The following GAS2 variants were observed in gnomAD, a reference collection of about 807,000 sequenced individuals.
GAS2 encodes growth arrest-specific protein 2.
A neutral mutation model predicts 37.5 loss-of-function variants in GAS2; 20 were observed. That is an observed-to-expected ratio of 0.53 (90% CI 0.37 to 0.77). The LOEUF is 0.77. Among genes scored for constraint, GAS2 ranks in the 30% least tolerant of loss-of-function variants. GAS2 has a pLI of 0.00. For missense variants in GAS2, 336 were observed against 373.4 expected (o/e 0.90, Z 0.82); for synonymous variants, 144 against 132.2 (o/e 1.09, Z -0.61).
intron 4 of GAS2, among the ~76,000 whole-genome samples, chr11:22,736,667 A>G (rs1165534558): frequency 6.6e-6 from 1 of 152,110 alleles, no homozygotes; most frequent in African/African-American, 2.4e-5. Flanking sequence ...GAATAGAATA[A>G]TACTGGAAAG....
intron 3 of GAS2, among the ~76,000 whole-genome samples, chr11:22,699,944 A>G (rs537390202): frequency 2.0e-5 from 3 of 152,296 alleles, no homozygotes; most frequent in African/African-American, 7.2e-5. Flanking sequence ...TGAAAGAACC[A>G]TAGTGTCCCT....
intron 3 of GAS2, among the ~76,000 whole-genome samples, chr11:22,686,545 G>T (rs1165733316): frequency 9.6e-6 from 1 of 103,676 alleles, no homozygotes; most frequent in Non-Finnish European, 1.8e-5. Context: ...GCCAAAACCC[G>T]TCTCTACTAA....
Position 22,676,323 on chromosome 11 carries a change from T to C in GAS2, c.145+1309T>C, listed in dbSNP as rs559049409. Among the ~76,000 whole-genome samples the C allele has an allele frequency of 1.0e-3, 159 of 152,310 alleles. 4 individuals are homozygous for C. In the South Asian group the frequency reaches 0.033, roughly 31 times the overall value. ...CTAAACAGATGGATTTTTCTCTCTC[T>C]TCTGTCTTTTTGGGGTTCACTAATG... is the stretch of plus-strand genomic sequence containing the variant. On this transcript the variant is annotated intron_variant, in intron 2 of 7. Coordinates refer to ENST00000454584, the MANE Select transcript of GAS2 (RefSeq NM_001143830.3).
rs887202684 is a variant in GAS2, at chr11:22,666,628, C to G, written c.-292C>G. ...AAAAAGTAAGCATTTTACTTCCGCTCGGTCTATGAGGACTGATGAAATGTA... is the reference window on the plus strand; with the variant it reads ...AAAAAGTAAGCATTTTACTTCCGCTGGGTCTATGAGGACTGATGAAATGTA... On this transcript the variant is annotated 5_prime_UTR_variant, in exon 1 of 8. Transcript: ENST00000454584. 1 of 152,230 alleles carries G rather than the reference C, an allele frequency of 6.6e-6. No individual in the cohort carries two copies. Among genetic ancestry groups the G allele is most frequent in the Non-Finnish European group, 1.5e-5 (1 of 68,060 alleles). The allele number at this position is 152,230 out of a possible 1,614,324, so 9.4% of individuals were successfully genotyped here.
intron 1 of GAS2, among the ~76,000 whole-genome samples, chr11:22,639,454 C>T (rs1858882692): frequency 6.6e-6 from 1 of 152,138 alleles, no homozygotes; most frequent in African/African-American, 2.4e-5. Context: ...AATTACCAGT[C>T]TGTGGTATTC....
upstream of GAS2, among the ~76,000 whole-genome samples, chr11:22,664,800 T>C (rs1251950812): frequency 6.6e-6 from 1 of 152,124 alleles, no homozygotes; most frequent in Non-Finnish European, 1.5e-5. Context: ...AATTTTTACA[T>C]ATGCTAAAAA....
At chr11:22,703,425 T>A (rs1850945166) in intron 3 of GAS2, among the ~76,000 whole-genome samples, 1 of 152,184 alleles carries the variant, frequency 6.6e-6, no homozygotes, top group East Asian at 1.9e-4. Context: ...TTAATTATTT[T>A]AAAATGAGCT....
intron 4 of GAS2, among the ~76,000 whole-genome samples, chr11:22,733,835 A>G (rs1852609316): frequency 6.6e-6 from 1 of 151,768 alleles, no homozygotes; most frequent in African/African-American, 2.4e-5. Context: ...AATAATCACC[A>G]TTGACTAGAG....
At chr11:22,640,581 G>T (rs1858897469) in intron 1 of GAS2, among the ~76,000 whole-genome samples, 1 of 152,058 alleles carries the variant, frequency 6.6e-6, no homozygotes, top group Admixed American at 6.6e-5. Flanking sequence ...TCTTGATCAG[G>T]AATTGCAACT....
At chr11:22,683,554 C>T (rs748572966) in intron 2 of GAS2, among the ~76,000 whole-genome samples, 3 of 152,160 alleles carry the variant, frequency 2.0e-5, no homozygotes, top group South Asian at 2.1e-4. Flanking sequence ...TGAGCCACTG[C>T]ACCCGGCCAG....
At chr11:22,781,667 G>C (rs759616236) in intron 7 of GAS2, among the ~76,000 whole-genome samples, 4 of 152,192 alleles carry the variant, frequency 2.6e-5, no homozygotes, top group South Asian at 2.1e-4. Flanking sequence ...GTCTGTGTTT[G>C]GAGCTAAAGA....
At chr11:22,662,703 A>C (rs1470622141), upstream of GAS2, among the ~76,000 whole-genome samples, 1 of 152,052 alleles carries the variant, frequency 6.6e-6, no homozygotes, top group South Asian at 2.1e-4. Flanking sequence ...GTCACACCAC[A>C]GAAGGTACTG....
intron 1 of GAS2, among the ~76,000 whole-genome samples, chr11:22,653,193 TATA>T (rs1565067768): frequency 6.6e-6 from 1 of 151,830 alleles, no homozygotes; most frequent in East Asian, 1.9e-4. Context: ...TTTGCTTCTA[TATA>T]TAGTCAGAAT....
intron 7 of GAS2, among the ~76,000 whole-genome samples, chr11:22,808,768 C>A (rs1417869774): frequency 6.6e-6 from 1 of 152,172 alleles, no homozygotes; most frequent in African/African-American, 2.4e-5. Flanking sequence ...GGCAAAGTTG[C>A]TCTCTCGAAC....
intron 3 of GAS2, among the ~76,000 whole-genome samples, chr11:22,691,209 A>C (rs1319289800): frequency 6.6e-6 from 1 of 152,198 alleles, no homozygotes; most frequent in Non-Finnish European, 1.5e-5. Context: ...TGTAGAATCC[A>C]GTCCTTGTTC....
rs775293667 is a variant in GAS2 at position 22,697,753 on chromosome 11, G to A, written c.267+11964G>A. Reference sequence around the variant, plus strand: ...TGATTTGGCTCTCTGTTTGTCTGTTGTTGGTGTATAAGAATGCTTGTGATT... The same window carrying A: ...TGATTTGGCTCTCTGTTTGTCTGTTATTGGTGTATAAGAATGCTTGTGATT... On this transcript the variant is annotated intron_variant, in intron 3 of 7. Transcript: ENST00000454584. Among the ~76,000 whole-genome samples, 206 of 152,182 alleles carry A rather than the reference G, an allele frequency of 1.4e-3. 2 individuals carry two copies. The highest frequency in any genetic ancestry group is 3.5e-4 in the Non-Finnish European group (24 of 67,990).
At chr11:22,693,847 G>T (rs920238074) in intron 3 of GAS2, among the ~76,000 whole-genome samples, 1 of 152,116 alleles carries the variant, frequency 6.6e-6, no homozygotes, top group Non-Finnish European at 1.5e-5. Flanking sequence ...TGAGCTCTGG[G>T]TCTATAATTT....
At chr11:22,627,206 C>T (rs1188215571) in intron 1 of GAS2, among the ~76,000 whole-genome samples, 1 of 152,198 alleles carries the variant, frequency 6.6e-6, no homozygotes, top group Non-Finnish European at 1.5e-5. Context: ...CTACTACAAA[C>T]TTAGAACCAA....
chr11:22,726,044 A>G (rs1852194908), intron 3 of GAS2, among the ~76,000 whole-genome samples: 1 of 152,136 alleles, frequency 6.6e-6, no homozygotes, highest in Non-Finnish European at 1.5e-5. Flanking sequence ...AGCCTGAGCC[A>G]AGAAAAGTAC....
Sources: allele counts gnomAD v4.1 joint callset (sites outside exome capture counted in the v4.1 genomes callset), GRCh38; gene constraint gnomAD v4.1.1; transcripts MANE v1.5; gene names NCBI Gene and HGNC (gene_info 2026-07-23, HGNC 2026-07-21).